Variants in DAP observed in about 807,000 individuals in gnomAD.
DAP encodes the protein death associated protein, also known as death-associated protein 1.
A neutral mutation model predicts 13.8 loss-of-function variants in DAP; 8 were observed. The ratio of observed to expected loss-of-function variants is 0.58; its 90% CI spans 0.34 to 1.05. DAP has a LOEUF of 1.05. Among genes scored for constraint, DAP ranks in the 50% least tolerant of loss-of-function variants. The probability of loss-of-function intolerance (pLI) is 0.03; values close to 1 mark genes in which losing one functional copy is unlikely to be tolerated. For missense variants in DAP, 106 were observed against 133.2 expected (o/e 0.80, Z 1.01); for synonymous variants, 47 against 47.5 (o/e 0.99, Z 0.04).
intron 2 of DAP, among the ~76,000 whole-genome samples, chr5:10,708,419 G>T (rs1343196307): frequency 2.1e-5 from 3 of 141,926 alleles, no homozygotes; most frequent in African/African-American, 8.4e-5. Context: ...CACGCACACA[G>T]GCATACACAT....
In DAP at chr5:10,680,396, A is replaced by C; in HGVS notation, c.*660T>G. 1 of 325,484 alleles carries C rather than the reference A, an allele frequency of 3.1e-6. No homozygotes were observed. The allele number at this position is 325,484 out of a possible 1,614,324, so 20.2% of individuals were successfully genotyped here. ...TGCCGTGCCGAGATCTCATGCCAGA[A>C]GTCCTCCCTCGGAGCTACCTGTCTC... On this transcript the variant is annotated 3_prime_UTR_variant, in exon 4 of 4. Coordinates refer to ENST00000230895, the MANE Select transcript of DAP (RefSeq NM_004394.3).
At chr5:10,751,571 T>C (rs1407885456) in intron 1 of DAP, among the ~76,000 whole-genome samples, 1 of 152,212 alleles carries the variant, frequency 6.6e-6, no homozygotes, top group Admixed American at 6.5e-5. Flanking sequence ...AAAGATGCTA[T>C]TACGGGCTGA....
intron 1 of DAP, among the ~76,000 whole-genome samples, chr5:10,752,653 T>C (rs1338555384): frequency 6.6e-6 from 1 of 152,200 alleles, no homozygotes; most frequent in Non-Finnish European, 1.5e-5. Context: ...TGTGTGTGTG[T>C]GTGCATGTGC....
In DAP at chr5:10,717,724, C is replaced by T. The variant is rs551330470; in HGVS notation, c.152+30451G>A. 1.8e-4 allele frequency among the ~76,000 whole-genome samples: 28 copies of T among 152,296 alleles called. 2 individuals are homozygous for T. The South Asian group carries it at 5.4e-3, about 29-fold the overall frequency. On this transcript the variant is annotated intron_variant, in intron 2 of 3. Coordinates refer to ENST00000230895, the MANE Select transcript of DAP (RefSeq NM_004394.3). The stretch of plus-strand genomic sequence containing the variant: ...GCAGGGGCCAAGTGGCAGCACTCGA[C>T]CATCAAAGGCAAGGTGGGTGCAGCT...
At chr5:10,738,599 G>C (rs1739675117) in intron 2 of DAP, among the ~76,000 whole-genome samples, 1 of 152,292 alleles carries the variant, frequency 6.6e-6, no homozygotes, top group South Asian at 2.1e-4. Flanking sequence ...CTTCAAACAT[G>C]TCAAGGTCAT....
chr5:10,739,911 T>C (rs960223289), intron 2 of DAP, among the ~76,000 whole-genome samples: 1 of 152,196 alleles, frequency 6.6e-6, no homozygotes, highest in African/African-American at 2.4e-5. Context: ...GTCTCTGTCA[T>C]TCTTTTACAC....
intron 1 of DAP, among the ~76,000 whole-genome samples, chr5:10,750,183 A>G (rs1222133815): frequency 3.3e-5 from 5 of 152,130 alleles, no homozygotes; most frequent in African/African-American, 1.2e-4. Context: ...GTCCTCTGGC[A>G]TTTTAAACTG....
At chr5:10,751,647 T>G (rs527889173) in intron 1 of DAP, among the ~76,000 whole-genome samples, 1 of 152,284 alleles carries the variant, frequency 6.6e-6, no homozygotes, top group African/African-American at 2.4e-5. Flanking sequence ...GTAATTGTAT[T>G]TGGAGAGAGG....
intron 2 of DAP, among the ~76,000 whole-genome samples, chr5:10,697,240 G>A (rs1197335221): frequency 6.6e-6 from 1 of 152,226 alleles, no homozygotes; most frequent in East Asian, 1.9e-4. Flanking sequence ...GCCCTAGGAA[G>A]TGCCTGCTCA....
rs569755796 is a variant in DAP at position 10,725,021 on chromosome 5, C to T, written c.152+23154G>A. On this transcript the variant is annotated intron_variant, in intron 2 of 3. Coordinates refer to ENST00000230895, the MANE Select transcript of DAP (RefSeq NM_004394.3). Reference sequence around the variant, plus strand: ...ACCCAACACCCCATGGGCTTGGCCTCGCTAAGGCTGGGAAAGGGCTGCATT... The same window carrying T: ...ACCCAACACCCCATGGGCTTGGCCTTGCTAAGGCTGGGAAAGGGCTGCATT... Among the ~76,000 whole-genome samples, 9 of 152,312 alleles carry T rather than the reference C, an allele frequency of 5.9e-5. No individual in the cohort carries two copies. In the South Asian group the frequency reaches 1.2e-3, roughly 21 times the overall value.
rs141556958 is a variant in DAP at position 10,751,643 on chromosome 5, G to T, written c.56-3372C>A. ...ACTGACATACCCTTAAATTGTAATT[G>T]TATTTGGAGAGAGGGTCTTAAAAGA... is the stretch of plus-strand genomic sequence containing the variant. On this transcript the variant is annotated intron_variant, in intron 1 of 3. Coordinates refer to ENST00000230895, the MANE Select transcript of DAP (RefSeq NM_004394.3). 4.3e-4 allele frequency among the ~76,000 whole-genome samples: 66 copies of T among 152,306 alleles called. 1 individual carries two copies. Among genetic ancestry groups the T allele is most frequent in the Non-Finnish European group, 8.1e-4 (55 of 68,034 alleles).
chr5:10,736,427 C>G (rs1235374118), intron 2 of DAP, among the ~76,000 whole-genome samples: 1 of 152,174 alleles, frequency 6.6e-6, no homozygotes, highest in African/African-American at 2.4e-5. Flanking sequence ...CCTGCAGCCT[C>G]TGGAGAGGCT....
chr5:10,681,026 G>A lies in DAP; in HGVS notation c.*30C>T. On this transcript the variant is annotated 3_prime_UTR_variant, in exon 4 of 4. Transcript: ENST00000230895. The stretch of plus-strand genomic sequence containing the variant: ...GAAATACCAAGTGCAGCAGAGCCGG[G>A]GCCATGGGGCAGGCTGGTGGACTCC... 1 of 1,569,354 alleles carries A rather than the reference G, an allele frequency of 6.4e-7. No homozygotes were observed.
intron 2 of DAP, among the ~76,000 whole-genome samples, chr5:10,730,931 C>A (rs1178810780): frequency 1.4e-5 from 1 of 73,310 alleles, no homozygotes; most frequent in African/African-American, 6.0e-5. Context: ...CTACTGAGAG[C>A]CCTAGTGAGG....
At chr5:10,704,197 T>C (rs1738646351) in intron 2 of DAP, among the ~76,000 whole-genome samples, 1 of 152,216 alleles carries the variant, frequency 6.6e-6, no homozygotes, top group Admixed American at 6.5e-5. Context: ...GTTATAAAAA[T>C]CATATATAGT....
intron 2 of DAP, among the ~76,000 whole-genome samples, chr5:10,736,846 C>CT (rs1482407981): frequency 6.6e-6 from 1 of 152,220 alleles, no homozygotes; most frequent in Non-Finnish European, 1.5e-5. Context: ...TTCCTTACAG[C>CT]TTCTCCCTGG....
At chr5:10,706,321 C>T (rs1415195237) in intron 2 of DAP, among the ~76,000 whole-genome samples, 1 of 152,186 alleles carries the variant, frequency 6.6e-6, no homozygotes, top group Admixed American at 6.5e-5. Flanking sequence ...GTAATCTTCA[C>T]AACAGTCAGC....
rs1364395716 is a variant in DAP at position 10,707,499 on chromosome 5, C to G, written c.153-23928G>C. 6.6e-6 allele frequency among the ~76,000 whole-genome samples: 1 copy of G among 151,848 alleles called. No individual in the cohort carries two copies. ...TGTGGTGCATAAACTATGTGGTGCA[C>G]AGGCAGTGTGATGCATAGGTGGTGT... is the stretch of plus-strand genomic sequence containing the variant. On this transcript the variant is annotated intron_variant, in intron 2 of 3. Transcript: ENST00000230895. This position sits in a 1 kb window ranked among gnomAD's most constrained non-coding sequence, Gnocchi z 4.0.
At chr5:10,760,547 T>C (rs1214200906) in intron 1 of DAP, among the ~76,000 whole-genome samples, 3 of 152,180 alleles carry the variant, frequency 2.0e-5, no homozygotes, top group African/African-American at 4.8e-5. Flanking sequence ...ATGATAAAAA[T>C]TATTTCCGCT....
Sources: gnomAD v4.1 joint callset for allele counts (sites outside exome capture counted in the v4.1 genomes callset) on GRCh38, gnomAD v4.1.1 for gene constraint, Gnocchi (gnomAD v3.1) non-coding constraint, MANE v1.5 for transcripts, NCBI Gene and HGNC (gene_info 2026-07-23, HGNC 2026-07-21) for gene names.